The following PARVB variants were observed in gnomAD, a reference collection of about 807,000 sequenced individuals.
The protein encoded by PARVB is parvin beta.
PARVB carries 46 observed loss-of-function variants against 47.0 expected under a neutral mutation model. The observed-to-expected ratio is 0.98, with a 90% confidence interval of 0.77 to 1.25. PARVB has a LOEUF of 1.25. Ranked by LOEUF, PARVB falls within the 50% of genes most tolerant of loss-of-function variation. The probability of loss-of-function intolerance (pLI) is 0.00; values close to 1 mark genes in which losing one functional copy is unlikely to be tolerated. For missense variants in PARVB, 473 were observed against 471.6 expected (o/e 1.00, Z -0.03); for synonymous variants, 196 against 196.3 (o/e 1.00, Z 0.01).
chr22:44,070,963 C>T (rs1413025436), intron 1 of PARVB, among the ~76,000 whole-genome samples: 1 of 152,132 alleles, frequency 6.6e-6, no homozygotes, highest in Non-Finnish European at 1.5e-5. Context: ...AGGGCCCCTG[C>T]CCTAGACCCC....
At chr22:43,999,401 A>G in exon 1 of PARVB, 2 of 1,610,208 alleles carry the variant, frequency 1.2e-6, no homozygotes, top group Non-Finnish European at 1.7e-6. Context: ...TAGTCCAGAG[A>G]ACAAAAACTG....
chr22:44,114,751 G>T (rs28485494), intron 3 of PARVB: 14,245 of 82,270 alleles, frequency 0.17, 1,186 homozygotes, highest in Middle Eastern at 0.29. Flanking sequence ...CAGATACATT[G>T]TTACTAAGGC....
chr22:44,016,516 A>T (rs370773244), intron 2 of PARVB, among the ~76,000 whole-genome samples: 5 of 152,322 alleles, frequency 3.3e-5, no homozygotes, highest in African/African-American at 4.8e-5. Flanking sequence ...AAATGAGGCC[A>T]CTTCAATAAC....
intron 1 of PARVB, among the ~76,000 whole-genome samples, chr22:44,052,474 A>C (rs2051227247): frequency 6.6e-6 from 1 of 152,248 alleles, no homozygotes; most frequent in African/African-American, 2.4e-5. Flanking sequence ...ACATTGTGTT[A>C]TGAATGTTCT....
chr22:44,013,054 G>A (rs973073425), intron 2 of PARVB, among the ~76,000 whole-genome samples: 3 of 151,852 alleles, frequency 2.0e-5, no homozygotes, highest in Non-Finnish European at 2.9e-5. Flanking sequence ...GCACCACCAC[G>A]CCCGGTTAAT....
chr22:44,132,572 C>A (rs1238795454), intron 5 of PARVB, among the ~76,000 whole-genome samples: 1 of 152,148 alleles, frequency 6.6e-6, no homozygotes, highest in Non-Finnish European at 1.5e-5. Flanking sequence ...CCGTGACCTG[C>A]TTTCCATGCT....
At chr22:44,053,446 T>C (rs189430171) in intron 1 of PARVB, among the ~76,000 whole-genome samples, 200 of 152,322 alleles carry the variant, frequency 1.3e-3, no homozygotes, top group African/African-American at 4.5e-3. Flanking sequence ...CTGCTCCCTG[T>C]GGCTTTCACA....
intron 4 of PARVB, among the ~76,000 whole-genome samples, chr22:44,128,631 C>T (rs977448195): frequency 6.6e-6 from 1 of 152,232 alleles, no homozygotes; most frequent in African/African-American, 2.4e-5. Context: ...CCCATGTGAC[C>T]TCATTTTACC....
chr22:44,072,852 G>A lies in PARVB; in HGVS notation c.113-21076G>A, dbSNP rs371463119. ...AATAAGTCCCCTACCTACTAGGGATGTAGGGATAAAGGACTGGAACTCTCT... is the reference window on the plus strand; with the variant it reads ...AATAAGTCCCCTACCTACTAGGGATATAGGGATAAAGGACTGGAACTCTCT... On this transcript the variant is annotated intron_variant, in intron 1 of 12. Coordinates refer to ENST00000338758, the MANE Select transcript of PARVB (RefSeq NM_013327.5). Among the ~76,000 whole-genome samples the A allele has an allele frequency of 2.0e-4, 31 of 152,308 alleles. 2 individuals are homozygous for A. Among genetic ancestry groups the A allele is most frequent in the Admixed American group, 1.1e-3 (17 of 15,306 alleles).
At chr22:44,166,171 G>A (rs979564994) in intron 12 of PARVB, among the ~76,000 whole-genome samples, 11 of 152,120 alleles carry the variant, frequency 7.2e-5, no homozygotes, top group African/African-American at 1.7e-4. Flanking sequence ...GTGCAGTGGC[G>A]CGATCCCAGC....
At chr22:44,016,678 T>A (rs1234158722) in intron 2 of PARVB, among the ~76,000 whole-genome samples, 5 of 152,194 alleles carry the variant, frequency 3.3e-5, no homozygotes, top group African/African-American at 1.2e-4. Context: ...TGAAGGGGGC[T>A]GGAAGGGTCT....
chr22:44,129,494 G>A (rs9614203), intron 4 of PARVB, among the ~76,000 whole-genome samples: 42,210 of 152,096 alleles, frequency 0.28, 6,299 homozygotes, highest in Admixed American at 0.42. Context: ...ACGGGGGCGC[G>A]TCAGGCTTCC....
At chr22:44,158,918 A>G (rs1054041545) in intron 11 of PARVB, among the ~76,000 whole-genome samples, 10 of 152,246 alleles carry the variant, frequency 6.6e-5, no homozygotes, top group African/African-American at 2.4e-4. Context: ...GAAATAGCAG[A>G]AATGGGGCCA....
intron 1 of PARVB, among the ~76,000 whole-genome samples, chr22:44,039,034 C>G (rs2050971303): frequency 1.3e-5 from 2 of 152,262 alleles, no homozygotes; most frequent in South Asian, 4.1e-4. Flanking sequence ...CACCAGCCAC[C>G]TGGGAAATGC....
intron 2 of PARVB, among the ~76,000 whole-genome samples, chr22:44,004,701 C>G (rs954978294): frequency 6.6e-6 from 1 of 152,148 alleles, no homozygotes; most frequent in Admixed American, 6.6e-5. Flanking sequence ...GCCCTTTGTT[C>G]GGGGCTCAAA....
intron 1 of PARVB, among the ~76,000 whole-genome samples, chr22:44,086,229 T>C (rs1319567554): frequency 1.3e-5 from 2 of 152,206 alleles, no homozygotes; most frequent in Non-Finnish European, 2.9e-5. Context: ...AGGGCCCACA[T>C]CCATTTCTCG....
chr22:43,999,853 A>AAAAC (rs2050396354), intron 2 of PARVB, among the ~76,000 whole-genome samples: 1 of 150,216 alleles, frequency 6.7e-6, no homozygotes, highest in Admixed American at 6.6e-5. Context: ...AAAAAAAAAA[A>AAAAC]AAAAACAGCT....
At chr22:44,091,274 CTTT>C (rs3083368) in intron 1 of PARVB, among the ~76,000 whole-genome samples, 13 of 90,746 alleles carry the variant, frequency 1.4e-4, no homozygotes, top group African/African-American at 1.6e-4. Flanking sequence ...AGAGGGCCTG[CTTT>C]TTTTTTTTTT....
chr22:44,033,890 C>G (rs1177918387), intron 1 of PARVB, among the ~76,000 whole-genome samples: 1 of 152,030 alleles, frequency 6.6e-6, no homozygotes, highest in Non-Finnish European at 1.5e-5. Context: ...GCCCTGTCTG[C>G]CCTTGTTGTT....
Sources: gnomAD v4.1 joint callset for allele counts (sites outside exome capture counted in the v4.1 genomes callset) on GRCh38, gnomAD v4.1.1 for gene constraint, MANE v1.5 for transcripts, NCBI Gene and HGNC (gene_info 2026-07-23, HGNC 2026-07-21) for gene names.